EXOC6B: variants seen among roughly 807,000 people sequenced by gnomAD.
The protein encoded by EXOC6B is SEC15 homolog B.
EXOC6B carries 54 observed loss-of-function variants against 113.5 expected under a neutral mutation model. The observed-to-expected ratio is 0.48, with a 90% CI of 0.38 to 0.60. The LOEUF is 0.60. Among genes scored for constraint, EXOC6B ranks in the 20% least tolerant of loss-of-function variants. The pLI, the probability that EXOC6B is intolerant of heterozygous loss-of-function variation, is 0.00. For missense variants in EXOC6B, 797 were observed against 977.5 expected, an observed-to-expected ratio of 0.82 and a Z score of 2.46; for synonymous variants, 357 against 339.0, an observed-to-expected ratio of 1.05 and a Z score of -0.58.
chr2:72,620,321 A>G (rs1208805008), intron 6 of EXOC6B, among the ~76,000 whole-genome samples: 1 of 152,202 alleles, frequency 6.6e-6, no homozygotes, highest in Admixed American at 6.5e-5. Context: ...AGCATCAGGA[A>G]GAATGGCTAA....
intron 8 of EXOC6B, among the ~76,000 whole-genome samples, chr2:72,558,219 T>C (rs1703675462): frequency 6.6e-6 from 1 of 151,990 alleles, no homozygotes; most frequent in Non-Finnish European, 1.5e-5. Context: ...GTATTCACTA[T>C]TTTAACCACC....
intron 13 of EXOC6B, 71 bp from the exon 14 acceptor site, chr2:72,496,630 G>A (rs376652191): frequency 3.4e-5 from 30 of 871,370 alleles, no homozygotes; most frequent in African/African-American, 2.7e-4. Flanking sequence ...GGGGAACAGA[G>A]GGAAGGTGGG....
intron 1 of EXOC6B, among the ~76,000 whole-genome samples, chr2:72,806,723 A>G (rs1327699145): frequency 1.7e-5 from 2 of 119,800 alleles, no homozygotes; most frequent in East Asian, 2.6e-4. Context: ...ATAACAGCCA[A>G]TCTGAGTAGT....
intron 1 of EXOC6B, among the ~76,000 whole-genome samples, chr2:72,743,530 AC>A (rs929048301): frequency 2.0e-5 from 3 of 151,610 alleles, no homozygotes; most frequent in Non-Finnish European, 4.4e-5. Context: ...CATCCCCTAT[AC>A]CTTTGAACAA....
In EXOC6B at chr2:72,590,351, T is replaced by C. The variant is rs556868503; in HGVS notation, c.670-14683A>G. On this transcript the variant is annotated intron_variant, in intron 6 of 21. Transcript: ENST00000272427. The stretch of plus-strand genomic sequence containing the variant: ...AGTAGAAAAGTTATAAAAATGAAAA[T>C]CTATGTTCACACTCCAAGAGTATTT... Among the ~76,000 whole-genome samples the C allele has an allele frequency of 7.9e-5, 12 of 151,974 alleles. No homozygotes were observed. The East Asian group carries it at 9.6e-4, about 12-fold the overall frequency.
chr2:72,489,806 A>G (rs149797334), intron 16 of EXOC6B, among the ~76,000 whole-genome samples: 35 of 152,300 alleles, frequency 2.3e-4, no homozygotes, highest in African/African-American at 7.7e-4. Context: ...AAAGGCATTC[A>G]TGTTCTAGTG....
intron 1 of EXOC6B, among the ~76,000 whole-genome samples, chr2:72,802,095 C>A (rs1685310385): frequency 6.6e-6 from 1 of 152,154 alleles, no homozygotes; most frequent in Non-Finnish European, 1.5e-5. Flanking sequence ...GAGGCCAAGG[C>A]AGGCGGATCA....
At chr2:72,508,260 A>G (rs1700715683) in intron 11 of EXOC6B, among the ~76,000 whole-genome samples, 1 of 151,988 alleles carries the variant, frequency 6.6e-6, no homozygotes, top group African/African-American at 2.4e-5. Flanking sequence ...AATAAGTAAC[A>G]AAAATACATA....
chr2:72,503,047 G>T (rs924473109), intron 11 of EXOC6B, among the ~76,000 whole-genome samples: 1 of 151,766 alleles, frequency 6.6e-6, no homozygotes, highest in African/African-American at 2.4e-5. Flanking sequence ...CCATCCTTTG[G>T]CTTGCTTCCA....
At chr2:72,570,148 T>C (rs911741782) in intron 7 of EXOC6B, among the ~76,000 whole-genome samples, 3 of 151,912 alleles carry the variant, frequency 2.0e-5, no homozygotes, top group African/African-American at 7.3e-5. Context: ...GGTATCCTTA[T>C]AAAAAGAGGA....
At chr2:72,478,653 C>G (rs772247594) in intron 17 of EXOC6B, among the ~76,000 whole-genome samples, 7 of 152,194 alleles carry the variant, frequency 4.6e-5, no homozygotes, top group Non-Finnish European at 8.8e-5. Context: ...CTTTAATTTT[C>G]CCTCAGCATT....
At position 72,741,417 on chromosome 2, in the gene EXOC6B, G is replaced by A. The variant is rs761382111; in HGVS notation, c.166C>T (p.Arg56Cys). 2.4e-5 allele frequency: 38 copies of A among 1,613,484 alleles called. No homozygotes were observed. Among genetic ancestry groups the A allele is most frequent in the Non-Finnish European group, 2.6e-5 (31 of 1,179,762 alleles). ...HGRFMEKLET[R>C]IRNHDREIEK... ...ATTTCTCGGTCGTGATTACGGATAC[G>A]AGTTTCAAGCTTCTCCATGAAACGT... Residue 56 changes from arginine (R) to cysteine (C), a missense_variant, in exon 2 of 22, where the codon CGT becomes TGT. By Grantham distance (180) the Arg-to-Cys change is radical (BLOSUM62 -3). Transcript: ENST00000272427.
chr2:72,302,810 G>A (rs1054882154), intron 20 of EXOC6B, among the ~76,000 whole-genome samples: 4 of 151,744 alleles, frequency 2.6e-5, no homozygotes, highest in African/African-American at 9.7e-5. Context: ...TTTAAAATGG[G>A]GCATTTAGCC....
intron 20 of EXOC6B, among the ~76,000 whole-genome samples, chr2:72,308,018 T>C (rs1686988955): frequency 6.6e-6 from 1 of 152,226 alleles, no homozygotes; most frequent in African/African-American, 2.4e-5. Flanking sequence ...GAGTTCATTG[T>C]TGAAAATTCA....
At chr2:72,559,033 C>T (rs1284427934) in intron 8 of EXOC6B, among the ~76,000 whole-genome samples, 1 of 152,110 alleles carries the variant, frequency 6.6e-6, no homozygotes, top group Non-Finnish European at 1.5e-5. Flanking sequence ...ATATTATTAA[C>T]ATCTATAATA....
At chr2:72,813,518 A>G (rs1686037562) in intron 1 of EXOC6B, among the ~76,000 whole-genome samples, 1 of 152,210 alleles carries the variant, frequency 6.6e-6, no homozygotes, top group African/African-American at 2.4e-5. Context: ...TTGCTACTCC[A>G]ATGCCAAAAG....
intron 20 of EXOC6B, among the ~76,000 whole-genome samples, chr2:72,279,563 T>C (rs1369424647): frequency 2.0e-5 from 3 of 152,158 alleles, no homozygotes; most frequent in Non-Finnish European, 4.4e-5. Context: ...TTTACCTTTC[T>C]CTTATGGATC....
chr2:72,318,050 C>G (rs1198609478), intron 20 of EXOC6B, among the ~76,000 whole-genome samples: 1 of 152,074 alleles, frequency 6.6e-6, no homozygotes, highest in East Asian at 1.9e-4. Flanking sequence ...ACTTTGCTGG[C>G]CAATAGAAGG....
chr2:72,732,970 A>T, intron 3 of EXOC6B, 101 bp downstream of exon 3: 1 of 813,490 alleles, frequency 1.2e-6, no homozygotes, highest in South Asian at 1.5e-5. Flanking sequence ...AGTACTTCCA[A>T]CATACTACTT....
Sources: gnomAD v4.1 joint callset for allele counts (sites outside exome capture counted in the v4.1 genomes callset) on GRCh38, gnomAD v4.1.1 for gene constraint, MANE v1.5 for transcripts, NCBI Gene and HGNC (gene_info 2026-07-23, HGNC 2026-07-21) for gene names.